Variants in SPPL3 observed in about 807,000 individuals in gnomAD.
The protein encoded by SPPL3 is signal peptide peptidase-like 3.
A neutral mutation model predicts 42.4 loss-of-function variants in SPPL3; 5 were observed. The ratio of observed to expected loss-of-function variants is 0.12; its 90% CI spans 0.06 to 0.25. SPPL3 has a LOEUF of 0.25. Ranked by LOEUF, SPPL3 falls within the 10% of genes least tolerant of loss-of-function variation. The pLI, the probability that SPPL3 is intolerant of heterozygous loss-of-function variation, is 1.00. For synonymous variants in SPPL3, 195 were observed against 181.8 expected (o/e 1.07, Z -0.58); for missense variants, 235 against 489.0 (o/e 0.48, Z 4.90).
In SPPL3 at chr12:120,903,688, C is replaced by G. The variant is rs1443836543; in HGVS notation, c.23+157G>C. Among the ~76,000 whole-genome samples, 12 of 152,238 alleles carry G rather than the reference C, an allele frequency of 7.9e-5. No homozygotes were observed. The South Asian group carries it at 2.5e-3, about 32-fold the overall frequency. On this transcript the variant is annotated intron_variant, in intron 1 of 10. Coordinates refer to ENST00000353487, the MANE Select transcript of SPPL3 (RefSeq NM_139015.5). ...CTCACCGCCCTCCGTGCGCGCCAGC[C>G]GCCCCCTCCGGTGGGGAAGAGGGGG... is the stretch of plus-strand genomic sequence containing the variant.
chr12:120,893,321 G>T (rs577733731), intron 1 of SPPL3, among the ~76,000 whole-genome samples: 20 of 151,976 alleles, frequency 1.3e-4, no homozygotes, highest in African/African-American at 4.8e-4. Flanking sequence ...GTGGCGGCGG[G>T]CGCCTGTAGT....
At position 120,872,433 on chromosome 12, in the gene SPPL3, T is replaced by TA. The variant is rs140643208; in HGVS notation, c.23+31411dup. 5.5e-3 allele frequency among the ~76,000 whole-genome samples: 844 copies of TA among 152,258 alleles called. 9 individuals carry two copies. Among genetic ancestry groups the TA allele is most frequent in the African/African-American group, 0.019 (772 of 41,554 alleles). ...GGTAAATTTTATGACTAACCAAACT[T>TA]AAAGCCTGGAGACAACTCCCAGGCT... On this transcript the variant is annotated intron_variant, in intron 1 of 10. Transcript: ENST00000353487.
At chr12:120,818,174 C>G (rs768179427) in intron 1 of SPPL3, among the ~76,000 whole-genome samples, 4 of 152,178 alleles carry the variant, frequency 2.6e-5, no homozygotes, top group Non-Finnish European at 5.9e-5. Context: ...AGGAACTACT[C>G]TATTCTGAGA....
At chr12:120,817,218 C>T (rs1186787221) in intron 1 of SPPL3, among the ~76,000 whole-genome samples, 2 of 152,070 alleles carry the variant, frequency 1.3e-5, no homozygotes, top group Admixed American at 6.6e-5. Context: ...TCCTTTGAGC[C>T]CACAAGTTTC....
intron 1 of SPPL3, among the ~76,000 whole-genome samples, chr12:120,838,602 GCT>G (rs1871699061): frequency 6.6e-6 from 1 of 152,182 alleles, no homozygotes; most frequent in Non-Finnish European, 1.5e-5. Context: ...AGCCATTTGG[GCT>G]CTCTGTTCTT....
chr12:120,784,457 GAGAAACTCATA>G lies in SPPL3; in HGVS notation c.310+6_310+16del. 6.3e-7 allele frequency: 1 copy of G among 1,578,530 alleles called. No homozygotes were observed. The highest frequency in any genetic ancestry group is 8.6e-7 in the Non-Finnish European group (1 of 1,166,794). On this transcript the variant is annotated splice_donor_region_variant and intron_variant, in intron 4 of 10. Transcript: ENST00000353487. ...CCTTTTAGTATGTTAAGACTAGACA[GAGAAACTCATA>G]TTTACCTGCTGTACATATTGTAAAA... is the stretch of plus-strand genomic sequence containing the variant.
intron 1 of SPPL3, among the ~76,000 whole-genome samples, chr12:120,900,196 T>C (rs1873931160): frequency 1.3e-5 from 2 of 152,160 alleles, no homozygotes; most frequent in Non-Finnish European, 2.9e-5. Context: ...GGAGCCCATC[T>C]GCATATGCCT....
intron 1 of SPPL3, among the ~76,000 whole-genome samples, chr12:120,836,281 T>C (rs760188020): frequency 3.1e-4 from 47 of 152,032 alleles, no homozygotes; most frequent in African/African-American, 9.2e-4. Context: ...TAGGCCTAGA[T>C]TGAAAAGAGA....
intron 1 of SPPL3, among the ~76,000 whole-genome samples, chr12:120,837,286 A>T (rs1871652678): frequency 6.6e-6 from 1 of 152,242 alleles, no homozygotes; most frequent in South Asian, 2.1e-4. Flanking sequence ...AACTGGCTAG[A>T]GAGAAATGTG....
intron 1 of SPPL3, among the ~76,000 whole-genome samples, chr12:120,880,660 G>GC (rs1166493257): frequency 6.6e-6 from 1 of 151,836 alleles, no homozygotes; most frequent in Non-Finnish European, 1.5e-5. Context: ...GGTGGCACGT[G>GC]CCTCCAGTCC....
chr12:120,807,784 T>A (rs1312689121), intron 2 of SPPL3, among the ~76,000 whole-genome samples: 1 of 151,758 alleles, frequency 6.6e-6, no homozygotes, highest in African/African-American at 2.4e-5. Context: ...GAAGCCCAAC[T>A]GTAGGTGGCT....
At chr12:120,775,275 C>CA (rs1453811335) in intron 6 of SPPL3, among the ~76,000 whole-genome samples, 1 of 152,138 alleles carries the variant, frequency 6.6e-6, no homozygotes, top group African/African-American at 2.4e-5. Context: ...CTCAGCCTCC[C>CA]AAGTAGCTGG....
intron 1 of SPPL3, among the ~76,000 whole-genome samples, chr12:120,824,470 A>G (rs756617029): frequency 6.6e-6 from 1 of 152,222 alleles, no homozygotes; most frequent in Non-Finnish European, 1.5e-5. Flanking sequence ...AATACTACAG[A>G]GTAAGTTCTA....
chr12:120,764,619 T>G lies in SPPL3; in HGVS notation c.*380A>C. On this transcript the variant is annotated 3_prime_UTR_variant, in exon 11 of 11. Transcript: ENST00000353487. ...TTGAAGAAACTTCGGTTTGCTAATT[T>G]TTTTCATCCTTTTAGTGTTCAAAAG... The G allele has an allele frequency of 2.7e-6, 1 of 368,984 alleles. No homozygotes were observed. 22.9% of individuals were successfully genotyped at this position (368,984 alleles called of 1,614,324 possible).
intron 1 of SPPL3, among the ~76,000 whole-genome samples, chr12:120,871,156 GTTCTGGAGGT>G (rs1872914408): frequency 1.5e-5 from 1 of 65,164 alleles, no homozygotes; most frequent in African/African-American, 4.8e-5. Context: ...AAAAGAAAAA[GTTCTGGAGGT>G]AAACAGTGAT....
chr12:120,880,025 CT>C, intron 1 of SPPL3, among the ~76,000 whole-genome samples: 1 of 148,318 alleles, frequency 6.7e-6, no homozygotes, highest in African/African-American at 2.5e-5. Flanking sequence ...AACAATCCTA[CT>C]TGATTTTCTT....
chr12:120,888,787 A>C (rs1380302645), intron 1 of SPPL3, among the ~76,000 whole-genome samples: 1 of 152,106 alleles, frequency 6.6e-6, no homozygotes, highest in African/African-American at 2.4e-5. Flanking sequence ...AAATGACTGA[A>C]TTGTACAGTA....
intron 1 of SPPL3, among the ~76,000 whole-genome samples, chr12:120,853,039 C>A (rs1013259408): frequency 6.6e-6 from 1 of 151,568 alleles, no homozygotes; most frequent in Non-Finnish European, 1.5e-5. Context: ...GGATTACAGG[C>A]ACCCGCCACC....
Position 120,810,902 on chromosome 12 carries a change from G to GA in SPPL3, c.24-17dup, listed in dbSNP as rs765026312. The GA allele has an allele frequency of 1.8e-5, 29 of 1,601,026 alleles. No homozygotes were observed. The highest frequency in any genetic ancestry group is 2.4e-5 in the Non-Finnish European group (28 of 1,169,292). ...GGAATAGGCCCTAGAGAAATAAGAG[G>GA]AAAAAAATTTAAATCACATGCAGTG... On this transcript the variant is annotated splice_polypyrimidine_tract_variant and intron_variant, in intron 1 of 10. Coordinates refer to ENST00000353487, the MANE Select transcript of SPPL3 (RefSeq NM_139015.5).
Sources: gnomAD v4.1 joint callset for allele counts (sites outside exome capture counted in the v4.1 genomes callset) on GRCh38, gnomAD v4.1.1 for gene constraint, MANE v1.5 for transcripts, NCBI Gene and HGNC (gene_info 2026-07-23, HGNC 2026-07-21) for gene names.